Variants in CDK14 observed in about 807,000 individuals in gnomAD.
The protein encoded by CDK14 is cyclin-dependent kinase 14.
Under a neutral mutation model 60.7 loss-of-function variants are expected in CDK14, and 34 were observed. That is an observed-to-expected ratio of 0.56 (90% CI 0.43 to 0.75). The LOEUF is 0.75. CDK14 is among the 30% of genes least tolerant of loss of function. The probability of loss-of-function intolerance (pLI) is 0.00; values close to 1 mark genes in which losing one functional copy is unlikely to be tolerated. For synonymous variants in CDK14, 197 were observed against 203.7 expected (o/e 0.97, Z 0.28); for missense variants, 482 against 564.1 (o/e 0.85, Z 1.47).
At chr7:91,035,612 G>A (rs1032104468) in intron 10 of CDK14, among the ~76,000 whole-genome samples, 6 of 127,362 alleles carry the variant, frequency 4.7e-5, no homozygotes, top group Non-Finnish European at 9.3e-5. Context: ...ACAGAGGACC[G>A]TTTATTTTTG....
intron 2 of CDK14, among the ~76,000 whole-genome samples, chr7:90,707,836 A>T (rs1394523005): frequency 6.6e-6 from 1 of 152,190 alleles, no homozygotes; most frequent in East Asian, 1.9e-4. Flanking sequence ...TATACTGAAT[A>T]GAGCACTCTC....
chr7:90,792,159 C>T (rs1406955154), intron 5 of CDK14, among the ~76,000 whole-genome samples: 19 of 150,454 alleles, frequency 1.3e-4, no homozygotes, highest in Non-Finnish European at 2.8e-4. Flanking sequence ...CTCGGCCTCC[C>T]AAAGTGCTGG....
intron 5 of CDK14, among the ~76,000 whole-genome samples, chr7:90,855,284 A>C (rs1179452063): frequency 1.3e-5 from 2 of 152,230 alleles, no homozygotes; most frequent in Non-Finnish European, 2.9e-5. Flanking sequence ...ACCAGTATCC[A>C]AGTGAGGAGG....
intron 5 of CDK14, among the ~76,000 whole-genome samples, chr7:90,793,148 GT>G (rs1805904367): frequency 2.0e-5 from 3 of 152,094 alleles, no homozygotes; most frequent in Non-Finnish European, 4.4e-5. Context: ...GTTCACTGCT[GT>G]ACCCTCAACA....
At position 90,848,710 on chromosome 7, in the gene CDK14, C is replaced by G. The variant is rs535844995; in HGVS notation, c.545-14465C>G. 2.0e-3 allele frequency among the ~76,000 whole-genome samples: 310 copies of G among 152,228 alleles called. 13 individuals carry two copies. The highest frequency in any genetic ancestry group is 1.2e-3 in the Non-Finnish European group (81 of 68,022). On this transcript the variant is annotated intron_variant, in intron 5 of 14. Transcript: ENST00000380050. ...ATTAGTCTTATCTGAAAAAGTGCAT[C>G]AAATGGGCTAAATGTCTTTCAGTGT...
At chr7:90,921,969 TTG>T (rs2117436765) in intron 8 of CDK14, among the ~76,000 whole-genome samples, 1 of 152,302 alleles carries the variant, frequency 6.6e-6, no homozygotes. Context: ...AGTTCATGGC[TTG>T]TCATATGCTT....
intron 12 of CDK14, among the ~76,000 whole-genome samples, chr7:91,091,771 T>G (rs1798839708): frequency 7.5e-6 from 1 of 133,682 alleles, no homozygotes. Context: ...GGAAGTAAGT[T>G]ATTTTAAGCT....
intron 2 of CDK14, among the ~76,000 whole-genome samples, chr7:90,640,554 T>G: frequency 6.6e-6 from 1 of 152,110 alleles, no homozygotes. Flanking sequence ...GAGGAAAGCA[T>G]ACAATGTAAA....
intron 6 of CDK14, among the ~76,000 whole-genome samples, chr7:90,879,750 A>T (rs1240859155): frequency 6.6e-6 from 1 of 152,048 alleles, no homozygotes; most frequent in East Asian, 1.9e-4. Context: ...TAATGATAAA[A>T]AATAAATAAA....
At chr7:91,079,525 T>G (rs759824402) in intron 12 of CDK14, 45 bp downstream of exon 12, 80 of 1,329,254 alleles carry the variant, frequency 6.0e-5, no homozygotes, top group Non-Finnish European at 8.1e-5. Flanking sequence ...CTTTCTCTTT[T>G]AATATTTACA....
intron 14 of CDK14, among the ~76,000 whole-genome samples, chr7:91,173,035 T>C (rs1429977869): frequency 6.6e-6 from 1 of 152,190 alleles, no homozygotes; most frequent in African/African-American, 2.4e-5. Flanking sequence ...TGCTGCTCCT[T>C]CTTTTCTAAT....
chr7:90,935,639 T>A (rs372332278), intron 8 of CDK14, among the ~76,000 whole-genome samples: 1 of 152,222 alleles, frequency 6.6e-6, no homozygotes, highest in South Asian at 2.1e-4. Flanking sequence ...AATGATAACA[T>A]GCATTCTGTT....
chr7:90,805,973 A>G (rs1724116382), intron 5 of CDK14, among the ~76,000 whole-genome samples: 1 of 152,210 alleles, frequency 6.6e-6, no homozygotes, highest in Non-Finnish European at 1.5e-5. Flanking sequence ...TAGAATGGAA[A>G]GTTCAAAAAT....
chr7:90,941,011 G>C (rs2117509069), intron 8 of CDK14, among the ~76,000 whole-genome samples: 1 of 152,278 alleles, frequency 6.6e-6, no homozygotes, highest in East Asian at 1.9e-4. Context: ...TCAACAATCA[G>C]ACATGGCCTC....
chr7:90,959,963 C>G (rs1355556435), intron 9 of CDK14, among the ~76,000 whole-genome samples: 1 of 152,060 alleles, frequency 6.6e-6, no homozygotes, highest in East Asian at 1.9e-4. Flanking sequence ...GGATTTATAA[C>G]TCTGTGAAAG....
chr7:90,786,705 C>G (rs1296936077), intron 4 of CDK14, among the ~76,000 whole-genome samples: 1 of 151,808 alleles, frequency 6.6e-6, no homozygotes, highest in Non-Finnish European at 1.5e-5. Context: ...TCACTTGAGC[C>G]CAGGAGTTCA....
intron 10 of CDK14, among the ~76,000 whole-genome samples, chr7:91,014,804 C>T (rs1380526934): frequency 6.6e-6 from 1 of 152,178 alleles, no homozygotes; most frequent in Non-Finnish European, 1.5e-5. Context: ...GGGTGAGGAG[C>T]CTGAGTGTCC....
chr7:90,962,297 A>G (rs905363838), intron 9 of CDK14, among the ~76,000 whole-genome samples: 15 of 152,062 alleles, frequency 9.9e-5, no homozygotes, highest in Non-Finnish European at 1.9e-4. Context: ...GACCAGTCCC[A>G]TCAACATGGT....
chr7:90,835,068 T>C (rs1790046367), intron 5 of CDK14, among the ~76,000 whole-genome samples: 2 of 152,036 alleles, frequency 1.3e-5, no homozygotes, highest in Non-Finnish European at 2.9e-5. Context: ...TGACGGTGAC[T>C]GACAAGGAGC....
Sources: gnomAD v4.1 joint callset for allele counts (sites outside exome capture counted in the v4.1 genomes callset) on GRCh38, gnomAD v4.1.1 for gene constraint, MANE v1.5 for transcripts, NCBI Gene and HGNC (gene_info 2026-07-23, HGNC 2026-07-21) for gene names.